Variants in CBX3 observed in about 807,000 individuals in gnomAD.
The protein encoded by CBX3 is chromobox 3.
A neutral mutation model predicts 22.6 loss-of-function variants in CBX3; 5 were observed. That is an observed-to-expected ratio of 0.22 (90% CI 0.12 to 0.47). The LOEUF (loss-of-function observed/expected upper bound fraction) is 0.47. CBX3 is among the 20% of genes least tolerant of loss of function. The pLI is 0.99. For missense variants in CBX3, 83 were observed against 208.1 expected (o/e 0.40, Z 3.70); for synonymous variants, 50 against 66.6 (o/e 0.75, Z 1.21).
At chr7:26,208,313 C>T (rs1210045071) in intron 3 of CBX3, 80 bp from the exon 4 acceptor site, 1 of 1,161,522 alleles carries the variant, frequency 8.6e-7, no homozygotes, top group African/African-American at 1.6e-5. Context: ...CCCCGGGTGT[C>T]TATTAAAATA....
At chr7:26,209,143 G>A (rs543596326) in intron 4 of CBX3, among the ~76,000 whole-genome samples, 7 of 146,822 alleles carry the variant, frequency 4.8e-5, no homozygotes, top group Non-Finnish European at 1.1e-4. Flanking sequence ...CTGACATCAG[G>A]TGATCCACCC....
rs926613004 is a variant in CBX3, at chr7:26,204,356, G to C, written c.24+1334G>C. Among the ~76,000 whole-genome samples, 5 of 151,956 alleles carry C rather than the reference G, an allele frequency of 3.3e-5. No homozygotes were observed. In the East Asian group the frequency reaches 9.7e-4, roughly 29 times the overall value. On this transcript the variant is annotated intron_variant, in intron 2 of 5. Transcript: ENST00000396386. Reference sequence around the variant, plus strand: ...TGTTTTTCATGTAGTATAGGTATCTGATACACTTCTGTCTATTACAGTTTG... The same window carrying C: ...TGTTTTTCATGTAGTATAGGTATCTCATACACTTCTGTCTATTACAGTTTG...
intron 3 of CBX3, among the ~76,000 whole-genome samples, chr7:26,207,479 C>G (rs545666453): frequency 6.6e-6 from 1 of 152,158 alleles, no homozygotes; most frequent in African/African-American, 2.4e-5. Context: ...ATGATTATAG[C>G]GTACTTCCCA....
chr7:26,206,352 TTTTG>T lies in CBX3; in HGVS notation c.25-12_25-9del. 1 of 805,388 alleles carries T rather than the reference TTTTG, an allele frequency of 1.2e-6. No homozygotes were observed. Among genetic ancestry groups the T allele is most frequent in the Non-Finnish European group, 1.8e-6 (1 of 565,886 alleles). 49.9% of individuals were successfully genotyped at this position (805,388 alleles called of 1,614,324 possible). A position where few individuals can be genotyped will look rare whatever the true frequency, so the allele number is the denominator to read the frequency against. ...CAAGAGGAATATTTCTTAATTTCTC[TTTTG>T]TTTTATTTTAGCAAAAAATGGGAAA... On this transcript the variant is annotated splice_polypyrimidine_tract_variant and intron_variant, in intron 2 of 5. Coordinates refer to ENST00000396386, the MANE Select transcript of CBX3 (RefSeq NM_016587.4).
At chr7:26,208,652 C>T in intron 4 of CBX3, 97 bp downstream of exon 4, 2 of 1,172,816 alleles carry the variant, frequency 1.7e-6, no homozygotes, top group African/African-American at 1.5e-5. Context: ...TGGAGTCTTG[C>T]TCTTGTCGCC....
chr7:26,203,133 C>T (rs1405830167), intron 2 of CBX3, 111 bp downstream of exon 2: 7 of 703,806 alleles, frequency 9.9e-6, no homozygotes, highest in South Asian at 6.2e-5. Flanking sequence ...TATTTCCCAG[C>T]TCTCCCAGTG....
At chr7:26,202,901 A>G in intron 1 of CBX3, 70 bp from the exon 2 acceptor site, 2 of 976,568 alleles carry the variant, frequency 2.0e-6, no homozygotes, top group South Asian at 1.3e-5. Context: ...TTGGAATCCA[A>G]ACAGAATTTG....
intron 2 of CBX3, among the ~76,000 whole-genome samples, chr7:26,203,759 C>T (rs1784607080): frequency 6.6e-6 from 1 of 152,056 alleles, no homozygotes; most frequent in Non-Finnish European, 1.5e-5. Flanking sequence ...TTAATGTCTC[C>T]TAGGTAAAAT....
chr7:26,206,068 C>G (rs1008525575), intron 2 of CBX3: 1 of 256,226 alleles, frequency 3.9e-6, no homozygotes, highest in Admixed American at 5.5e-5. Flanking sequence ...CCAGCCTGGG[C>G]GACAAGAGTG....
chr7:26,203,122 A>T, intron 2 of CBX3, 100 bp downstream of exon 2: 2 of 851,900 alleles, frequency 2.3e-6, no homozygotes, highest in Non-Finnish European at 3.9e-6. Context: ...TTACATCCAC[A>T]TATTTCCCAG....
chr7:26,212,581 T>TG lies in CBX3; in HGVS notation c.*373_*374insG, dbSNP rs1562750009. On this transcript the variant is annotated 3_prime_UTR_variant, in exon 6 of 6. Coordinates refer to ENST00000396386, the MANE Select transcript of CBX3 (RefSeq NM_016587.4). ...ACCATTCTAGATTTATTACGTGTTT[T>TG]TTGTGTGTGTGTGTGTGTGTGTGTG... The TG allele has an allele frequency of 0.011, 440 of 40,700 alleles. No homozygotes were observed. Among genetic ancestry groups the TG allele is most frequent in the Middle Eastern group, 0.023 (2 of 88 alleles). 2.5% of individuals were successfully genotyped at this position (40,700 alleles called of 1,614,324 possible).
chr7:26,212,246 A>T lies in CBX3; in HGVS notation c.*38A>T. The T allele has an allele frequency of 8.9e-7, 1 of 1,126,144 alleles. No homozygotes were observed. The highest frequency in any genetic ancestry group is 1.1e-6 in the Non-Finnish European group (1 of 889,410). 69.8% of individuals were successfully genotyped at this position (1,126,144 alleles called of 1,614,324 possible). On this transcript the variant is annotated 3_prime_UTR_variant, in exon 6 of 6. Coordinates refer to ENST00000396386, the MANE Select transcript of CBX3 (RefSeq NM_016587.4). ...TTCTTTTATATATATTTATATATAT[A>T]TATAAAAATTGGGTCTTAGATTTTG...
At position 26,203,140 on chromosome 7, in the gene CBX3, A is replaced by G. The variant is rs1469699221; in HGVS notation, c.24+118A>G. 7 of 729,508 alleles carry G rather than the reference A, an allele frequency of 9.6e-6. No individual in the cohort carries two copies. In the East Asian group the frequency reaches 1.9e-4, roughly 20 times the overall value. 45.2% of individuals were successfully genotyped at this position (729,508 alleles called of 1,614,324 possible). A position where few individuals can be genotyped will look rare whatever the true frequency, so the allele number is the denominator to read the frequency against. ...CATCCACATATTTCCCAGCTCTCCC[A>G]GTGTAAATTACAGGGGAAAATTAAG... On this transcript the variant is annotated intron_variant, in intron 2 of 5. Transcript: ENST00000396386.
intron 5 of CBX3, 82 bp downstream of exon 5, chr7:26,211,838 T>C: frequency 9.1e-7 from 1 of 1,096,184 alleles, no homozygotes; most frequent in Non-Finnish European, 1.3e-6. Context: ...CATCATTAGG[T>C]AGGGAAAAAC....
At chr7:26,208,198 G>A in intron 3 of CBX3, 195 bp from the exon 4 acceptor site, 1 of 426,076 alleles carries the variant, frequency 2.3e-6, no homozygotes, top group Non-Finnish European at 4.4e-6. Context: ...CTCTCGTCTG[G>A]GCAACAAAGC....
Position 26,202,980 on chromosome 7 carries a change from T to C in CBX3, c.-19T>C, listed in dbSNP as rs1036717766. 8 of 1,602,864 alleles carry C rather than the reference T, an allele frequency of 5.0e-6. No homozygotes were observed. The highest frequency in any genetic ancestry group is 5.1e-6 in the Non-Finnish European group (6 of 1,170,448). ...TCATGCATTTTTCTAGTAATAGCTC[T>C]TCAAGTCTGCAATAAAAAATGGCCT... On this transcript the variant is annotated 5_prime_UTR_variant, in exon 2 of 6. Transcript: ENST00000396386.
chr7:26,213,175 G>GT lies in CBX3; in HGVS notation c.*973dup, dbSNP rs1250700433. The GT allele has an allele frequency of 3.3e-5, 5 of 152,690 alleles. No homozygotes were observed. The highest frequency in any genetic ancestry group is 1.2e-4 in the African/African-American group (5 of 41,466). 9.5% of individuals were successfully genotyped at this position (152,690 alleles called of 1,614,324 possible). A position where few individuals can be genotyped will look rare whatever the true frequency, so the allele number is the denominator to read the frequency against. On this transcript the variant is annotated 3_prime_UTR_variant, in exon 6 of 6. Coordinates refer to ENST00000396386, the MANE Select transcript of CBX3 (RefSeq NM_016587.4). The stretch of plus-strand genomic sequence containing the variant: ...TGTAACCTAACCTATTGACCTGCAT[G>GT]TTTTTTCTTTACCCCAATTCATTAC...
Position 26,212,468 on chromosome 7 carries a change from T to A in CBX3, c.*260T>A, listed in dbSNP as rs1253123713. ...TTTGATACCATGGTATATCATTTCC[T>A]CTTCATTAAAGAACAGCTTTTCTAA... On this transcript the variant is annotated 3_prime_UTR_variant, in exon 6 of 6. Coordinates refer to ENST00000396386, the MANE Select transcript of CBX3 (RefSeq NM_016587.4). 2 of 168,728 alleles carry A rather than the reference T, an allele frequency of 1.2e-5. No individual in the cohort carries two copies. Among genetic ancestry groups the A allele is most frequent in the African/African-American group, 4.8e-5 (2 of 41,706 alleles). 10.5% of individuals were successfully genotyped at this position (168,728 alleles called of 1,614,324 possible). A position where few individuals can be genotyped will look rare whatever the true frequency, so the allele number is the denominator to read the frequency against.
intron 2 of CBX3, among the ~76,000 whole-genome samples, chr7:26,205,583 C>T (rs1784657513): frequency 6.6e-6 from 1 of 152,026 alleles, no homozygotes; most frequent in Admixed American, 6.6e-5. Context: ...TTTATCTTTT[C>T]TCTGTATCAT....
Sources: allele counts gnomAD v4.1 joint callset (sites outside exome capture counted in the v4.1 genomes callset), GRCh38; gene constraint gnomAD v4.1.1; transcripts MANE v1.5; gene names NCBI Gene and HGNC (gene_info 2026-07-23, HGNC 2026-07-21).